The following KCNG1 variants were observed in gnomAD, a reference collection of about 807,000 sequenced individuals.
The protein encoded by KCNG1 is voltage-gated potassium channel regulatory subunit KCNG1.
KCNG1 carries 17 observed loss-of-function variants against 32.4 expected under a neutral mutation model. The ratio of observed to expected loss-of-function variants is 0.52; its 90% CI spans 0.36 to 0.79. The LOEUF is 0.79. KCNG1 is among the 30% of genes least tolerant of loss of function. The pLI, the probability that KCNG1 is intolerant of heterozygous loss-of-function variation, is 0.00. For missense variants in KCNG1, 441 were observed against 735.2 expected, an observed-to-expected ratio of 0.60 and a Z score of 4.63; for synonymous variants, 358 against 339.9, an observed-to-expected ratio of 1.05 and a Z score of -0.59.
Position 51,004,612 on chromosome 20 carries a change from T to C in KCNG1, c.969A>G (p.Ala323=), listed in dbSNP as rs6122993. ...TGCCCGCGCCGGGCTTGCGACGGCC[T>C]GCGGCGGCGCCGTCCACCAGCAGCG... ...YITLLVDGAA[A]GRRKPGAGNS... is the part of the protein sequence containing the mutation. Residue 323 remains alanine (A), a synonymous_variant, in exon 3 of 3, where the codon GCA becomes GCG. Coordinates refer to ENST00000371571, the MANE Select transcript of KCNG1 (RefSeq NM_002237.4). The surrounding 1 kb of genome is among the most constrained non-coding windows in gnomAD (Gnocchi z 4.3). 0.8 allele frequency: 1,271,787 copies of C among 1,583,676 alleles called. 518,503 individuals are homozygous for C. The highest frequency in any genetic ancestry group is 0.84 in the Non-Finnish European group (976,872 of 1,164,628).
At chr20:51,017,482 T>C (rs897098383) in intron 1 of KCNG1, among the ~76,000 whole-genome samples, 1 of 152,148 alleles carries the variant, frequency 6.6e-6, no homozygotes, top group Non-Finnish European at 1.5e-5. Flanking sequence ...ATGAGTAAGA[T>C]GAGACAGCCT....
intron 1 of KCNG1, among the ~76,000 whole-genome samples, chr20:51,020,203 G>A (rs958104644): frequency 1.3e-5 from 2 of 152,178 alleles, no homozygotes; most frequent in South Asian, 2.1e-4. Flanking sequence ...GCACGTTTGC[G>A]TTTGCCTTCT....
Position 51,010,228 on chromosome 20 carries a change from G to T in KCNG1, c.111C>A (p.Gly37=). The T allele has an allele frequency of 6.4e-7, 1 of 1,561,318 alleles. No homozygotes were observed. Among genetic ancestry groups the T allele is most frequent in the East Asian group, 2.2e-5 (1 of 44,500 alleles). ...AFLPQRQAIK[G]AFYRRAQRLR... ...GCCGCTGCGCCCGGCGGTAGAACGC[G>T]CCCTTGATGGCCTGGCGCTGCGGGA... Residue 37 remains glycine (G), a synonymous_variant, in exon 2 of 3, where the codon GGC becomes GGA. Transcript: ENST00000371571.
chr20:51,009,745 G>A lies in KCNG1; in HGVS notation c.594C>T (p.Gly198=), dbSNP rs143696824. ...ALDSEGRDSE[G]PAEGEGRLGR... ...CCAGGCGGCCCTCGCCCTCGGCCGG[G>A]CCCTCGCTGTCGCGGCCCTCGCTGT... Residue 198 remains glycine, a synonymous_variant, in exon 2 of 3, where the codon GGC becomes GGT. Coordinates refer to ENST00000371571, the MANE Select transcript of KCNG1 (RefSeq NM_002237.4). 1.9e-6 allele frequency: 3 copies of A among 1,608,352 alleles called. No homozygotes were observed. Among genetic ancestry groups the A allele is most frequent in the Non-Finnish European group, 2.5e-6 (3 of 1,179,380 alleles).
At chr20:51,020,823 A>G (rs1210145685) in intron 1 of KCNG1, among the ~76,000 whole-genome samples, 1 of 152,154 alleles carries the variant, frequency 6.6e-6, no homozygotes, top group Non-Finnish European at 1.5e-5. Context: ...CATCCAGCAC[A>G]CATCTCTTTG....
At chr20:51,008,911 A>G (rs4811111) in intron 2 of KCNG1, among the ~76,000 whole-genome samples, 118,076 of 152,096 alleles carry the variant, frequency 0.78, 46,636 homozygotes, top group Middle Eastern at 0.87. Context: ...AGCATTCCCT[A>G]GGGAGATAAG....
intron 2 of KCNG1, among the ~76,000 whole-genome samples, chr20:51,008,346 T>G (rs1987918992): frequency 6.6e-6 from 1 of 152,098 alleles, no homozygotes; most frequent in Admixed American, 6.6e-5. Flanking sequence ...ATTTTGTGTT[T>G]TAGAGATGGA....
At chr20:51,021,267 C>A (rs1481052894) in intron 1 of KCNG1, among the ~76,000 whole-genome samples, 1 of 152,230 alleles carries the variant, frequency 6.6e-6, no homozygotes, top group African/African-American at 2.4e-5. Flanking sequence ...CAGGGGCCAG[C>A]GCTTGCCTGT....
chr20:51,010,155 G>A lies in KCNG1; in HGVS notation c.184C>T (p.Arg62Cys). The A allele has an allele frequency of 6.2e-7, 1 of 1,610,138 alleles. No homozygotes were observed. The highest frequency in any genetic ancestry group is 8.5e-7 in the Non-Finnish European group (1 of 1,178,178). Reference sequence around the variant, plus strand: ...CCTACGTTGATGATGATCCGACGGCGGCGGTCCTCGGGCTGACAGCCCTGG... The same window carrying A: ...CCTACGTTGATGATGATCCGACGGCAGCGGTCCTCGGGCTGACAGCCCTGG... ...PRQGCQPEDR[R>C]RRIIINVGGI... Residue 62 changes from arginine to cysteine, a missense_variant, in exon 2 of 3, where the codon CGC (arginine) becomes TGC (cysteine). Physicochemically the swap from Arg to Cys is radical, Grantham distance 180. This residue lies in a region of KCNG1 where 85 missense variants were observed against 98.2 expected (regional missense o/e 0.87). Coordinates refer to ENST00000371571, the MANE Select transcript of KCNG1 (RefSeq NM_002237.4).
chr20:51,018,093 A>C (rs1988344751), intron 1 of KCNG1, among the ~76,000 whole-genome samples: 1 of 152,150 alleles, frequency 6.6e-6, no homozygotes, highest in South Asian at 2.1e-4. Context: ...TTCTCACGTG[A>C]CCACCCTGAG....
At chr20:51,018,953 T>C (rs1601108474) in intron 1 of KCNG1, among the ~76,000 whole-genome samples, 1 of 152,300 alleles carries the variant, frequency 6.6e-6, no homozygotes, top group African/African-American at 2.4e-5. Flanking sequence ...GACGAGATTT[T>C]GGAATGTTTC....
chr20:51,016,590 G>C (rs1243634392), intron 1 of KCNG1, among the ~76,000 whole-genome samples: 2 of 152,334 alleles, frequency 1.3e-5, no homozygotes, highest in African/African-American at 4.8e-5. Flanking sequence ...GTTGCTCTGT[G>C]ACTTTAGGCA....
rs568431820 is a variant in KCNG1, at chr20:51,005,521, A to C, written c.775-715T>G. 1 of 152,256 alleles carries C rather than the reference A, an allele frequency of 6.6e-6. No individual in the cohort carries two copies. Among genetic ancestry groups the C allele is most frequent in the Non-Finnish European group, 1.5e-5 (1 of 68,072 alleles). 9.4% of individuals were successfully genotyped at this position (152,256 alleles called of 1,614,324 possible). A position where few individuals can be genotyped will look rare whatever the true frequency, so the allele number is the denominator to read the frequency against. ...GCTGCCTCACCGAAGCTTTCAAAAGAGGCTGGAAATGTGCAGTTTTACATG... is the reference window on the plus strand; with the variant it reads ...GCTGCCTCACCGAAGCTTTCAAAAGCGGCTGGAAATGTGCAGTTTTACATG... On this transcript the variant is annotated intron_variant, in intron 2 of 2. Coordinates refer to ENST00000371571, the MANE Select transcript of KCNG1 (RefSeq NM_002237.4). This position sits in a 1 kb window ranked among gnomAD's most constrained non-coding sequence, Gnocchi z 4.0.
chr20:51,014,282 C>T (rs533346288), intron 1 of KCNG1, among the ~76,000 whole-genome samples: 89 of 152,294 alleles, frequency 5.8e-4, no homozygotes, highest in African/African-American at 1.9e-3. Flanking sequence ...GTGAGATGGA[C>T]GGCTCAGCAC....
intron 1 of KCNG1, among the ~76,000 whole-genome samples, chr20:51,020,055 T>C (rs916367983): frequency 5.3e-5 from 8 of 152,296 alleles, no homozygotes; most frequent in African/African-American, 1.7e-4. Flanking sequence ...GATTGTGTGC[T>C]GGGAGCTAGG....
intron 2 of KCNG1, among the ~76,000 whole-genome samples, chr20:51,007,574 C>T (rs781105929): frequency 4.6e-5 from 7 of 152,176 alleles, no homozygotes; most frequent in Non-Finnish European, 8.8e-5. Context: ...AAAAATTCAA[C>T]TTATAAGCCA....
At chr20:51,017,168 C>T (rs562746441) in intron 1 of KCNG1, among the ~76,000 whole-genome samples, 7 of 152,258 alleles carry the variant, frequency 4.6e-5, no homozygotes, top group African/African-American at 9.6e-5. Flanking sequence ...TAGCATCCAT[C>T]CCCAGGGGAG....
Position 51,004,605 on chromosome 20 carries a change from G to A in KCNG1, c.976C>T (p.Arg326Cys), listed in dbSNP as rs752467072. Residue 326 changes from arginine to cysteine, a missense_variant, in exon 3 of 3, where the codon CGC becomes TGC. By Grantham distance (180) the Arg-to-Cys change is radical. Around this residue, in one of 6 missense-constraint regions of KCNG1, gnomAD observed 169 missense variants for 297.7 expected, o/e 0.57. Coordinates refer to ENST00000371571, the MANE Select transcript of KCNG1 (RefSeq NM_002237.4). The surrounding 1 kb of genome is among the most constrained non-coding windows in gnomAD (Gnocchi z 4.3). ...LLVDGAAAGR[R>C]KPGAGNSYLD... The stretch of plus-strand genomic sequence containing the variant: ...TAGCTGTTGCCCGCGCCGGGCTTGC[G>A]ACGGCCTGCGGCGGCGCCGTCCACC... The A allele has an allele frequency of 2.5e-6, 4 of 1,581,218 alleles. No homozygotes were observed. The highest frequency in any genetic ancestry group is 3.4e-6 in the Non-Finnish European group (4 of 1,163,284).
intron 1 of KCNG1, among the ~76,000 whole-genome samples, chr20:51,016,541 G>A (rs1009058832): frequency 6.6e-6 from 1 of 152,176 alleles, no homozygotes; most frequent in Admixed American, 6.5e-5. Context: ...GCAGAAGGGC[G>A]CACAGGCTTT....
Sources: gnomAD v4.1 joint callset for allele counts (sites outside exome capture counted in the v4.1 genomes callset) on GRCh38, gnomAD v4.1.1 for gene constraint, gnomAD v4.1.1 regional missense constraint, Gnocchi (gnomAD v3.1) non-coding constraint, MANE v1.5 for transcripts, NCBI Gene and HGNC (gene_info 2026-07-23, HGNC 2026-07-21) for gene names.